Variants in GABRG2 observed in about 807,000 individuals in gnomAD.
The protein encoded by GABRG2 is gamma-aminobutyric acid type A receptor subunit gamma2.
In GABRG2, 16 loss-of-function variants were observed where a neutral mutation model predicts 56.4. The observed-to-expected ratio is 0.28, with a 90% CI of 0.19 to 0.43. The LOEUF (loss-of-function observed/expected upper bound fraction) is 0.43, where lower values mean the gene tolerates loss of function less well. Ranked by LOEUF, GABRG2 falls within the 20% of genes least tolerant of loss-of-function variation. GABRG2 has a pLI of 1.00. For synonymous variants in GABRG2, 208 were observed against 205.5 expected (o/e 1.01, Z -0.10); for missense variants, 327 against 582.7 (o/e 0.56, Z 4.52).
intron 1 of GABRG2, among the ~76,000 whole-genome samples, chr5:162,092,024 G>A (rs995936513): frequency 6.6e-6 from 1 of 152,120 alleles, no homozygotes; most frequent in African/African-American, 2.4e-5. Flanking sequence ...TTTCTCATGA[G>A]TTATTGGAGG....
At chr5:162,101,466 T>C in intron 5 of GABRG2, 149 bp downstream of exon 5, 1 of 702,032 alleles carries the variant, frequency 1.4e-6, no homozygotes, top group Non-Finnish European at 2.6e-6. Context: ...TCTTTCATCT[T>C]AATCCCAGCT....
intron 6 of GABRG2, among the ~76,000 whole-genome samples, chr5:162,127,633 AC>A (rs1314115437): frequency 6.6e-6 from 1 of 151,938 alleles, no homozygotes; most frequent in Non-Finnish European, 1.5e-5. Context: ...GCACCATGAT[AC>A]CAAAACCCCA....
chr5:162,071,895 G>A lies in GABRG2; in HGVS notation c.107+3789G>A, dbSNP rs578013577. Among the ~76,000 whole-genome samples the A allele has an allele frequency of 1.2e-3, 180 of 151,138 alleles. 1 individual carries two copies. Among genetic ancestry groups the A allele is most frequent in the Non-Finnish European group, 1.1e-3 (76 of 67,656 alleles). On this transcript the variant is annotated intron_variant, in intron 1 of 9. Coordinates refer to ENST00000639213, the MANE Select transcript of GABRG2 (RefSeq NM_198904.4). ...GGACTCTACCTTTCAAATTCAAAAG[G>A]TTACCCTGAGGCCATTAACCTGAAA...
At chr5:162,105,784 T>C (rs1761773653) in intron 6 of GABRG2, among the ~76,000 whole-genome samples, 1 of 148,184 alleles carries the variant, frequency 6.7e-6, no homozygotes, top group African/African-American at 2.5e-5. Flanking sequence ...GCCTTAGAAC[T>C]GAAGTCTTCC....
At chr5:162,094,048 A>G in intron 2 of GABRG2, 69 bp downstream of exon 2, 1 of 1,503,332 alleles carries the variant, frequency 6.7e-7, no homozygotes, top group South Asian at 1.1e-5. Flanking sequence ...AATAGATAAA[A>G]CATCAGTGTA....
At chr5:162,102,678 G>C (rs764358052) in intron 5 of GABRG2, 1 of 448,152 alleles carries the variant, frequency 2.2e-6, no homozygotes, top group East Asian at 7.0e-5. Context: ...TTTCAGGCAC[G>C]CACCACCATA....
intron 6 of GABRG2, among the ~76,000 whole-genome samples, chr5:162,135,593 A>G (rs1764064795): frequency 6.6e-6 from 1 of 152,190 alleles, no homozygotes; most frequent in African/African-American, 2.4e-5. Flanking sequence ...ATTCACCATC[A>G]TATATTTTTA....
chr5:162,131,658 C>A (rs1298644598), intron 6 of GABRG2, among the ~76,000 whole-genome samples: 5 of 151,900 alleles, frequency 3.3e-5, no homozygotes, highest in Admixed American at 1.3e-4. Context: ...AAAGACTAAA[C>A]TTATATAGAA....
At chr5:162,147,617 G>A (rs1473912421) in intron 7 of GABRG2, among the ~76,000 whole-genome samples, 1 of 152,028 alleles carries the variant, frequency 6.6e-6, no homozygotes, top group Non-Finnish European at 1.5e-5. Context: ...ACCCACCTCG[G>A]CCTCCCAGAG....
chr5:162,107,894 T>C (rs1761949725), intron 6 of GABRG2, among the ~76,000 whole-genome samples: 1 of 152,202 alleles, frequency 6.6e-6, no homozygotes, highest in South Asian at 2.1e-4. Flanking sequence ...TTCATGATTT[T>C]GTCTGTTCTC....
chr5:162,120,617 C>T (rs1350578864), intron 6 of GABRG2, among the ~76,000 whole-genome samples: 1 of 152,190 alleles, frequency 6.6e-6, no homozygotes, highest in Non-Finnish European at 1.5e-5. Flanking sequence ...CTCATGCCAC[C>T]TCTGCAAGCT....
chr5:162,139,026 G>T (rs1006880174), intron 6 of GABRG2, among the ~76,000 whole-genome samples: 1 of 151,560 alleles, frequency 6.6e-6, no homozygotes, highest in Non-Finnish European at 1.5e-5. Flanking sequence ...AAAAAAACCT[G>T]CCATTGATAG....
At chr5:162,137,275 T>A (rs1764204706) in intron 6 of GABRG2, among the ~76,000 whole-genome samples, 1 of 152,192 alleles carries the variant, frequency 6.6e-6, no homozygotes, top group Admixed American at 6.5e-5. Context: ...CTGTAGTGTT[T>A]ATCCAAGAAA....
intron 1 of GABRG2, among the ~76,000 whole-genome samples, chr5:162,084,543 G>A (rs1275849489): frequency 6.6e-6 from 1 of 151,730 alleles, no homozygotes; most frequent in East Asian, 1.9e-4. Context: ...GTCTCATAGA[G>A]ACCAATTAAA....
At chr5:162,073,067 C>T (rs1758803253) in intron 1 of GABRG2, among the ~76,000 whole-genome samples, 1 of 151,784 alleles carries the variant, frequency 6.6e-6, no homozygotes, top group Admixed American at 6.6e-5. Context: ...TCATGATTCT[C>T]TCATTCTGTC....
At chr5:162,113,402 C>T (rs1316263337) in intron 6 of GABRG2, among the ~76,000 whole-genome samples, 2 of 152,184 alleles carry the variant, frequency 1.3e-5, no homozygotes, top group Non-Finnish European at 2.9e-5. Flanking sequence ...CCATGTTCCA[C>T]AATGATGACA....
At chr5:162,074,934 A>G (rs1211293209) in intron 1 of GABRG2, among the ~76,000 whole-genome samples, 3 of 152,098 alleles carry the variant, frequency 2.0e-5, no homozygotes, top group Admixed American at 2.0e-4. Flanking sequence ...TGGACATTTA[A>G]GAGTGAATTA....
At chr5:162,131,724 A>G (rs1351096136) in intron 6 of GABRG2, among the ~76,000 whole-genome samples, 1 of 152,056 alleles carries the variant, frequency 6.6e-6, no homozygotes. Context: ...GATAGCATCC[A>G]TCTGAATATA....
At chr5:162,088,109 G>A (rs1032127135) in intron 1 of GABRG2, among the ~76,000 whole-genome samples, 3 of 152,046 alleles carry the variant, frequency 2.0e-5, no homozygotes, top group African/African-American at 7.2e-5. Context: ...CTTACTGGGA[G>A]GAATAAAATC....
Sources: gnomAD v4.1 joint callset for allele counts (sites outside exome capture counted in the v4.1 genomes callset) on GRCh38, gnomAD v4.1.1 for gene constraint, MANE v1.5 for transcripts, NCBI Gene and HGNC (gene_info 2026-07-23, HGNC 2026-07-21) for gene names.